The following ITFG1 variants were observed in gnomAD, a reference collection of about 807,000 sequenced individuals.
ITFG1 encodes integrin alpha FG-GAP repeat containing 1.
ITFG1 carries 34 observed loss-of-function variants against 81.8 expected under a neutral mutation model. The observed-to-expected ratio is 0.42, with a 90% CI of 0.32 to 0.55. The LOEUF is 0.55. Among genes scored for constraint, ITFG1 ranks in the 20% least tolerant of loss-of-function variants. ITFG1 has a pLI of 0.17. For synonymous variants in ITFG1, 285 were observed against 270.6 expected, an observed-to-expected ratio of 1.05 and a Z score of -0.52; for missense variants, 672 against 755.4, an observed-to-expected ratio of 0.89 and a Z score of 1.29.
At chr16:47,327,224 A>G (rs1253153907) in intron 8 of ITFG1, among the ~76,000 whole-genome samples, 2 of 152,238 alleles carry the variant, frequency 1.3e-5, no homozygotes, top group African/African-American at 2.4e-5. Flanking sequence ...AGCAAAGGGG[A>G]AAGCATTCCC....
At chr16:47,406,377 A>G (rs568484062) in intron 6 of ITFG1, among the ~76,000 whole-genome samples, 1 of 152,352 alleles carries the variant, frequency 6.6e-6, no homozygotes, top group South Asian at 2.1e-4. Flanking sequence ...TTTAAAAGGA[A>G]GCTCATTCAA....
chr16:47,162,885 C>G (rs756573477), intron 14 of ITFG1: 4 of 319,420 alleles, frequency 1.3e-5, no homozygotes, highest in Non-Finnish European at 2.3e-5. Context: ...TAGCACTGCA[C>G]TGAGCCTTGA....
chr16:47,286,380 C>T (rs1966869446), intron 10 of ITFG1, among the ~76,000 whole-genome samples: 1 of 152,074 alleles, frequency 6.6e-6, no homozygotes, highest in Admixed American at 6.6e-5. Context: ...TGGCTCACAC[C>T]TGTAATCCCA....
In ITFG1 at chr16:47,154,785, A is replaced by G. The variant is rs1221935305; in HGVS notation, c.*934T>C. ...TGTTCTTCATTATCACATGATAAGG[A>G]TAAGTTTTTGGAGGAAAATTTTTAG... is the stretch of plus-strand genomic sequence containing the variant. On this transcript the variant is annotated 3_prime_UTR_variant, in exon 18 of 18. Coordinates refer to ENST00000320640, the MANE Select transcript of ITFG1 (RefSeq NM_030790.5). 1 of 152,194 alleles carries G rather than the reference A, an allele frequency of 6.6e-6. No individual in the cohort carries two copies. The highest frequency in any genetic ancestry group is 1.5e-5 in the Non-Finnish European group (1 of 68,028). 9.4% of individuals were successfully genotyped at this position (152,194 alleles called of 1,614,324 possible). A position where few individuals can be genotyped will look rare whatever the true frequency, so the allele number is the denominator to read the frequency against.
intron 8 of ITFG1, among the ~76,000 whole-genome samples, chr16:47,358,322 C>G (rs1442884846): frequency 6.6e-6 from 1 of 152,134 alleles, no homozygotes; most frequent in Non-Finnish European, 1.5e-5. Flanking sequence ...TACATGGAAA[C>G]AGAATTGGCA....
intron 5 of ITFG1, among the ~76,000 whole-genome samples, chr16:47,439,289 G>C (rs999255014): frequency 4.6e-5 from 7 of 152,210 alleles, no homozygotes; most frequent in Admixed American, 1.3e-4. Flanking sequence ...GAACTTCCCC[G>C]ATCTAGCAAG....
At chr16:47,246,340 A>C (rs1966002047) in intron 12 of ITFG1, among the ~76,000 whole-genome samples, 1 of 151,880 alleles carries the variant, frequency 6.6e-6, no homozygotes, top group African/African-American at 2.4e-5. Flanking sequence ...CTAGGTATTA[A>C]ACATGAAAAA....
Position 47,302,780 on chromosome 16 carries a change from G to A in ITFG1, c.1070+8460C>T, listed in dbSNP as rs140767219. On this transcript the variant is annotated intron_variant, in intron 10 of 17. Coordinates refer to ENST00000320640, the MANE Select transcript of ITFG1 (RefSeq NM_030790.5). ...ATGCAGAAATTATGACACTAAGCCA[G>A]GCCTTTAAAGCAAATCTTTTTATAT... 3.6e-3 allele frequency among the ~76,000 whole-genome samples: 542 copies of A among 152,244 alleles called. 4 individuals are homozygous for A. The highest frequency in any genetic ancestry group is 0.02 in the Middle Eastern group (6 of 294).
chr16:47,258,485 A>G (rs1966164595), intron 12 of ITFG1, 147 bp downstream of exon 12: 1 of 499,016 alleles, frequency 2.0e-6, no homozygotes, highest in Non-Finnish European at 3.5e-6. Context: ...TGAAATCTGA[A>G]TGGGGTCTAT....
At chr16:47,237,049 C>T (rs1229139210) in intron 13 of ITFG1, among the ~76,000 whole-genome samples, 1 of 152,220 alleles carries the variant, frequency 6.6e-6, no homozygotes, top group Non-Finnish European at 1.5e-5. Flanking sequence ...GAAGGATCAT[C>T]CTAGCTCCAG....
rs572243367 is a variant in ITFG1 at position 47,294,468 on chromosome 16, T to C, written c.1070+16772A>G. The stretch of plus-strand genomic sequence containing the variant: ...GGGCATTATGGTCATTTTAATGACA[T>C]TGATTCTCCTGCTCCAGGACCATGG... On this transcript the variant is annotated intron_variant, in intron 10 of 17. Transcript: ENST00000320640. 1.6e-4 allele frequency among the ~76,000 whole-genome samples: 25 copies of C among 152,304 alleles called. No individual in the cohort carries two copies. In the South Asian group the frequency reaches 4.8e-3, roughly 29 times the overall value.
chr16:47,343,007 T>G (rs1256816103), intron 8 of ITFG1, among the ~76,000 whole-genome samples: 1 of 152,158 alleles, frequency 6.6e-6, no homozygotes, highest in South Asian at 2.1e-4. Flanking sequence ...CTCAAATTCA[T>G]GTGGAATTGC....
chr16:47,437,470 G>GAAA (rs1172465301), intron 5 of ITFG1, among the ~76,000 whole-genome samples: 1 of 71,362 alleles, frequency 1.4e-5, no homozygotes, highest in Non-Finnish European at 2.8e-5. Flanking sequence ...TCCATCTCCT[G>GAAA]AAAAAAAAAA....
At chr16:47,297,225 T>C (rs941755414) in intron 10 of ITFG1, among the ~76,000 whole-genome samples, 8 of 152,210 alleles carry the variant, frequency 5.3e-5, no homozygotes, top group Non-Finnish European at 1.2e-4. Context: ...CTATCTGATA[T>C]GAATATAGTT....
At chr16:47,215,025 A>G (rs1467316017) in intron 14 of ITFG1, among the ~76,000 whole-genome samples, 2 of 152,044 alleles carry the variant, frequency 1.3e-5, no homozygotes, top group African/African-American at 2.4e-5. Flanking sequence ...TACTCTGATC[A>G]ATAGATTGTT....
intron 12 of ITFG1, among the ~76,000 whole-genome samples, chr16:47,240,667 T>C (rs967596238): frequency 1.3e-5 from 2 of 152,204 alleles, no homozygotes; most frequent in African/African-American, 2.4e-5. Context: ...CACTGACAGA[T>C]GAATGAATAA....
chr16:47,234,658 C>A (rs989329629), intron 13 of ITFG1, among the ~76,000 whole-genome samples: 1 of 151,952 alleles, frequency 6.6e-6, no homozygotes, highest in Non-Finnish European at 1.5e-5. Flanking sequence ...TTGAAACAAG[C>A]CAGAAAAAAG....
At chr16:47,414,057 T>C (rs1021752943) in intron 6 of ITFG1, among the ~76,000 whole-genome samples, 2 of 151,158 alleles carry the variant, frequency 1.3e-5, no homozygotes, top group African/African-American at 2.4e-5. Context: ...CTGACCTCAG[T>C]TGATCCACCC....
At position 47,266,249 on chromosome 16, in the gene ITFG1, G is replaced by A. The variant is rs147982603; in HGVS notation, c.1071-5554C>T. 8.8e-4 allele frequency among the ~76,000 whole-genome samples: 134 copies of A among 152,110 alleles called. 2 individuals are homozygous for A. The highest frequency in any genetic ancestry group is 2.9e-3 in the African/African-American group (122 of 41,494). ...TTTTGTTTTTTTGTGATGGAGTCTC[G>A]CTCTGTTGCCCAGCCTGGAGTACAG... On this transcript the variant is annotated intron_variant, in intron 10 of 17. Coordinates refer to ENST00000320640, the MANE Select transcript of ITFG1 (RefSeq NM_030790.5).
Sources: allele counts gnomAD v4.1 joint callset (sites outside exome capture counted in the v4.1 genomes callset), GRCh38; gene constraint gnomAD v4.1.1; transcripts MANE v1.5; gene names NCBI Gene and HGNC (gene_info 2026-07-23, HGNC 2026-07-21).